The following GSG1L variants were observed in gnomAD, a reference collection of about 807,000 sequenced individuals.
The protein encoded by GSG1L is germ cell-specific gene 1-like protein.
GSG1L carries 24 observed loss-of-function variants against 42.1 expected under a neutral mutation model. The ratio of observed to expected loss-of-function variants is 0.57; its 90% CI spans 0.41 to 0.80. The LOEUF (loss-of-function observed/expected upper bound fraction) is 0.80, where lower values mean the gene tolerates loss of function less well. GSG1L is among the 30% of genes least tolerant of loss of function. The pLI, the probability that GSG1L is intolerant of heterozygous loss-of-function variation, is 0.00. For missense variants in GSG1L, 445 were observed against 472.2 expected (o/e 0.94, Z 0.53); for synonymous variants, 215 against 203.5 (o/e 1.06, Z -0.48).
At chr16:27,860,489 T>C (rs2083634604) in intron 3 of GSG1L, among the ~76,000 whole-genome samples, 2 of 152,200 alleles carry the variant, frequency 1.3e-5, no homozygotes, top group Non-Finnish European at 2.9e-5. Flanking sequence ...TGTTCTCTGT[T>C]CTCTGTCCTC....
At chr16:27,960,164 C>A (rs1272424638) in intron 2 of GSG1L, among the ~76,000 whole-genome samples, 4 of 152,142 alleles carry the variant, frequency 2.6e-5, no homozygotes, top group Non-Finnish European at 4.4e-5. Context: ...AAAGCACTCA[C>A]CGGACCTCAG....
At chr16:28,003,675 GTCCGTTCCCCAGTGTT>G (rs1440561784) in intron 1 of GSG1L, among the ~76,000 whole-genome samples, 6 of 152,188 alleles carry the variant, frequency 3.9e-5, no homozygotes, top group Non-Finnish European at 1.5e-5. Flanking sequence ...TCTCCAAAGT[GTCCGTTCCCCAGTGTT>G]TCCCAGAATT....
intron 5 of GSG1L, chr16:27,823,752 C>T: frequency 1.5e-6 from 1 of 662,188 alleles, no homozygotes; most frequent in Non-Finnish European, 2.8e-6. Flanking sequence ...TCATTGTGTG[C>T]CCAGGTCCTA....
chr16:27,903,434 G>A (rs1223178792), intron 2 of GSG1L, among the ~76,000 whole-genome samples: 1 of 152,190 alleles, frequency 6.6e-6, no homozygotes, highest in African/African-American at 2.4e-5. Context: ...CAAGACAGGG[G>A]AGAGGAGACA....
chr16:27,793,275 TA>T (rs909896468), intron 6 of GSG1L, among the ~76,000 whole-genome samples: 11 of 152,168 alleles, frequency 7.2e-5, no homozygotes, highest in Admixed American at 5.2e-4. Flanking sequence ...TGGGGGGTAA[TA>T]TTTTTGGCTT....
chr16:27,838,204 T>A (rs888895544), intron 4 of GSG1L, among the ~76,000 whole-genome samples: 1 of 152,184 alleles, frequency 6.6e-6, no homozygotes, highest in Non-Finnish European at 1.5e-5. Context: ...GCCTGGCACA[T>A]AATAGGTGCT....
chr16:27,995,771 C>T (rs140603447), intron 1 of GSG1L, among the ~76,000 whole-genome samples: 5,197 of 152,084 alleles, frequency 0.034, 116 homozygotes, highest in Middle Eastern at 0.068. Context: ...CTCAGCCTCC[C>T]AAGTAGCTGG....
intron 1 of GSG1L, among the ~76,000 whole-genome samples, chr16:28,029,707 G>C (rs995919920): frequency 1.3e-5 from 2 of 152,142 alleles, no homozygotes; most frequent in African/African-American, 2.4e-5. Context: ...AAGAATGATG[G>C]ATTCATGGGT....
chr16:27,828,455 A>C (rs2083238617), intron 5 of GSG1L, among the ~76,000 whole-genome samples: 1 of 152,220 alleles, frequency 6.6e-6, no homozygotes, highest in Admixed American at 6.5e-5. Context: ...GACAGAGCCC[A>C]AGAAGGAAAC....
At chr16:27,966,162 C>T (rs2898879) in intron 1 of GSG1L, among the ~76,000 whole-genome samples, 60,000 of 152,086 alleles carry the variant, frequency 0.39, 12,210 homozygotes, top group South Asian at 0.64. Flanking sequence ...CAAATGTTAT[C>T]TTCCCAAGGA....
chr16:27,923,710 G>A (rs2084555014), intron 2 of GSG1L, among the ~76,000 whole-genome samples: 1 of 145,620 alleles, frequency 6.9e-6, no homozygotes, highest in Non-Finnish European at 1.5e-5. Flanking sequence ...CTCCAGCCTG[G>A]GCAACAGAGC....
chr16:28,035,022 A>G (rs1442094384), intron 1 of GSG1L, among the ~76,000 whole-genome samples: 2 of 151,942 alleles, frequency 1.3e-5, no homozygotes, highest in Middle Eastern at 3.2e-3. Flanking sequence ...TTTTATTATT[A>G]TTGTTATTTA....
chr16:28,000,997 AT>A (rs1464135573), intron 1 of GSG1L, among the ~76,000 whole-genome samples: 2 of 152,104 alleles, frequency 1.3e-5, no homozygotes, highest in Non-Finnish European at 2.9e-5. Flanking sequence ...TCAATTCTCA[AT>A]TATTCAGGGC....
chr16:27,819,562 G>A (rs892978795), intron 5 of GSG1L, among the ~76,000 whole-genome samples: 2 of 152,196 alleles, frequency 1.3e-5, no homozygotes, highest in African/African-American at 4.8e-5. Context: ...CTTGGCGGAG[G>A]AGACGGTGGG....
chr16:27,832,763 T>C (rs1307204528), intron 4 of GSG1L, among the ~76,000 whole-genome samples: 2 of 152,266 alleles, frequency 1.3e-5, no homozygotes, highest in African/African-American at 4.8e-5. Context: ...TGTATCCTCT[T>C]TGACAAAATG....
chr16:27,812,432 T>C (rs1445347781), intron 5 of GSG1L, among the ~76,000 whole-genome samples: 2 of 152,232 alleles, frequency 1.3e-5, no homozygotes, highest in Admixed American at 1.3e-4. Context: ...ATGTTCTCTC[T>C]CACAACTACT....
At chr16:27,815,161 T>C (rs2083080977) in intron 5 of GSG1L, among the ~76,000 whole-genome samples, 2 of 152,182 alleles carry the variant, frequency 1.3e-5, no homozygotes, top group African/African-American at 4.8e-5. Context: ...TGGATATTTG[T>C]CCCCTCTAAA....
chr16:27,984,849 C>T (rs1333041831), intron 1 of GSG1L, among the ~76,000 whole-genome samples: 1 of 152,062 alleles, frequency 6.6e-6, no homozygotes, highest in Non-Finnish European at 1.5e-5. Context: ...CCTCGACCTC[C>T]CAGGATCAAA....
At chr16:27,991,732 G>A (rs983840804) in intron 1 of GSG1L, among the ~76,000 whole-genome samples, 8 of 152,078 alleles carry the variant, frequency 5.3e-5, no homozygotes, top group Non-Finnish European at 8.8e-5. Flanking sequence ...AATTATTAAT[G>A]CTATGTATCT....
Sources: allele counts gnomAD v4.1 joint callset (sites outside exome capture counted in the v4.1 genomes callset), GRCh38; gene constraint gnomAD v4.1.1; transcripts MANE v1.5; gene names NCBI Gene and HGNC (gene_info 2026-07-23, HGNC 2026-07-21).